Variants in PDE8B observed in about 807,000 individuals in gnomAD.
The protein encoded by PDE8B is phosphodiesterase 8B.
PDE8B carries 26 observed loss-of-function variants against 101.3 expected under a neutral mutation model. That is an observed-to-expected ratio of 0.26 (90% confidence interval 0.19 to 0.36). PDE8B has a LOEUF of 0.36. PDE8B is among the 10% of genes least tolerant of loss of function. The probability of loss-of-function intolerance (pLI) is 1.00; values close to 1 mark genes in which losing one functional copy is unlikely to be tolerated. For missense variants in PDE8B, 810 were observed against 1,163.1 expected (o/e 0.70, Z 4.42); for synonymous variants, 424 against 429.3 (o/e 0.99, Z 0.15).
At chr5:77,324,928 A>G (rs1220146816) in intron 2 of PDE8B, among the ~76,000 whole-genome samples, 3 of 152,240 alleles carry the variant, frequency 2.0e-5, no homozygotes, top group Non-Finnish European at 4.4e-5. Context: ...GTGAGTAACA[A>G]TCACCACCAG....
chr5:77,128,953 T>C, the PDE8B span, among the ~76,000 whole-genome samples: 3 of 152,220 alleles, frequency 2.0e-5, no homozygotes, highest in African/African-American at 4.8e-5. Context: ...CCCAGACTTA[T>C]TAACGTCCTT....
chr5:77,294,950 C>T (rs1022439307), intron 1 of PDE8B, among the ~76,000 whole-genome samples: 1 of 150,852 alleles, frequency 6.6e-6, no homozygotes, highest in African/African-American at 2.4e-5. Context: ...TAATAGGAGC[C>T]TCTGAAGAGA....
the PDE8B span, among the ~76,000 whole-genome samples, chr5:77,095,627 A>G: frequency 6.6e-6 from 1 of 152,192 alleles, no homozygotes; most frequent in African/African-American, 2.4e-5. Flanking sequence ...TAGGGCTCAA[A>G]CAAGATGAAT....
chr5:77,424,512 C>T (rs1797486886), intron 20 of PDE8B, among the ~76,000 whole-genome samples: 1 of 152,202 alleles, frequency 6.6e-6, no homozygotes, highest in Non-Finnish European at 1.5e-5. Flanking sequence ...TTTCCACACA[C>T]CTCAAAAGCT....
rs555601233 is a variant in PDE8B, at chr5:77,232,513, G to A, written c.339+21249G>A. Among the ~76,000 whole-genome samples, 16 of 152,338 alleles carry A rather than the reference G, an allele frequency of 1.1e-4. No individual in the cohort carries two copies. In the South Asian group the frequency reaches 3.3e-3, roughly 32 times the overall value. ...TCTTTCGTAGCTCATAGCTTAGGGG[G>A]AAGATGCTGTGTGTTTGAGACATTC... is the stretch of plus-strand genomic sequence containing the variant. On this transcript the variant is annotated intron_variant, in intron 1 of 21. Transcript: ENST00000264917.
chr5:77,409,629 A>G (rs779343158), intron 14 of PDE8B, among the ~76,000 whole-genome samples: 2 of 152,158 alleles, frequency 1.3e-5, no homozygotes, highest in Admixed American at 1.3e-4. Flanking sequence ...CACCAAGAGT[A>G]GCTGGTTTCT....
At chr5:77,392,077 A>C (rs1790064646) in intron 10 of PDE8B, among the ~76,000 whole-genome samples, 1 of 152,226 alleles carries the variant, frequency 6.6e-6, no homozygotes, top group Admixed American at 6.5e-5. Context: ...GCCCTTAGTC[A>C]CATTTTGACA....
the PDE8B span, among the ~76,000 whole-genome samples, chr5:77,170,042 G>A: frequency 2.0e-5 from 3 of 152,182 alleles, no homozygotes; most frequent in Non-Finnish European, 4.4e-5. Flanking sequence ...AAGGATTAAT[G>A]TGGAGGTTAC....
At chr5:77,129,616 GTCC>G in the PDE8B span, among the ~76,000 whole-genome samples, 1 of 152,192 alleles carries the variant, frequency 6.6e-6, no homozygotes, top group African/African-American at 2.4e-5. Flanking sequence ...AGGGAGCAGT[GTCC>G]TCCTGTTTCA....
the PDE8B span, among the ~76,000 whole-genome samples, chr5:77,174,398 T>C: frequency 1.3e-5 from 2 of 152,198 alleles, no homozygotes; most frequent in African/African-American, 4.8e-5. Flanking sequence ...TTTCCTATTC[T>C]TTCCTTTTTT....
intron 12 of PDE8B, 84 bp from the exon 13 acceptor site, chr5:77,407,297 C>A: frequency 1.0e-6 from 1 of 996,788 alleles, no homozygotes; most frequent in South Asian, 1.3e-5. Context: ...AGAAGCGGGC[C>A]CTGGTCCATG....
At chr5:77,342,798 A>G (rs1365355339) in intron 6 of PDE8B, among the ~76,000 whole-genome samples, 1 of 152,218 alleles carries the variant, frequency 6.6e-6, no homozygotes, top group African/African-American at 2.4e-5. Flanking sequence ...GGAGAGCTGC[A>G]GAGGTGCAAT....
In PDE8B at chr5:77,211,076, G is replaced by T. The variant is rs1748211717; in HGVS notation, c.151G>T (p.Asp51Tyr). 5 of 1,505,416 alleles carry T rather than the reference G, an allele frequency of 3.3e-6. No homozygotes were observed. Among genetic ancestry groups the T allele is most frequent in the South Asian group, 1.2e-5 (1 of 80,956 alleles). The allele number at this position is 1,505,416 out of a possible 1,614,324, so 93.3% of individuals were successfully genotyped here. ...CCTCTTCGTCCAGACCGACGCCGCC[G>T]ACGCCATCCCCCCGAGCCGCGCGTC... ...PGLFVQTDAADAIPPSRASGP... is the reference protein window; with the variant it reads ...PGLFVQTDAAYAIPPSRASGP... Residue 51 changes from aspartate to tyrosine, a missense_variant, in exon 1 of 22, where the codon GAC becomes TAC. By Grantham distance (160) the Asp-to-Tyr change is radical (BLOSUM62 -3). Coordinates refer to ENST00000264917, the MANE Select transcript of PDE8B (RefSeq NM_003719.5). The surrounding 1 kb of genome is among the most constrained non-coding windows in gnomAD (Gnocchi z 4.1).
intron 10 of PDE8B, among the ~76,000 whole-genome samples, chr5:77,385,386 G>A (rs1371616557): frequency 8.6e-5 from 13 of 150,380 alleles, no homozygotes; most frequent in African/African-American, 2.4e-4. Context: ...AGTCTGGCTA[G>A]TGGTCTATTT....
At chr5:77,373,872 G>A (rs887249928) in intron 10 of PDE8B, among the ~76,000 whole-genome samples, 1 of 151,696 alleles carries the variant, frequency 6.6e-6, no homozygotes, top group Non-Finnish European at 1.5e-5. Context: ...TTTTTGAGAC[G>A]GAGTTTTGCT....
chr5:77,121,887 C>T, the PDE8B span, among the ~76,000 whole-genome samples: 15 of 152,330 alleles, frequency 9.8e-5, no homozygotes, highest in African/African-American at 3.6e-4. Flanking sequence ...TTACGTTTCA[C>T]CTTTGCACTT....
At chr5:77,370,269 A>G (rs569805228) in intron 10 of PDE8B, among the ~76,000 whole-genome samples, 2 of 152,332 alleles carry the variant, frequency 1.3e-5, no homozygotes, top group East Asian at 3.9e-4. Flanking sequence ...GACGTAGAAC[A>G]TCACTGCCAC....
the PDE8B span, among the ~76,000 whole-genome samples, chr5:77,191,445 C>G: frequency 6.6e-6 from 1 of 151,962 alleles, no homozygotes; most frequent in Non-Finnish European, 1.5e-5. Context: ...CTCCGCCTCC[C>G]GGGTTCATGC....
chr5:77,193,388 C>G, the PDE8B span, among the ~76,000 whole-genome samples: 1 of 152,090 alleles, frequency 6.6e-6, no homozygotes, highest in Non-Finnish European at 1.5e-5. Flanking sequence ...TTTGTTTATG[C>G]ATTTGGATAC....
Sources: allele counts gnomAD v4.1 joint callset (sites outside exome capture counted in the v4.1 genomes callset), GRCh38; gene constraint gnomAD v4.1.1; non-coding constraint Gnocchi (gnomAD v3.1); transcripts MANE v1.5; gene names NCBI Gene and HGNC (gene_info 2026-07-23, HGNC 2026-07-21).